GINS4: variants seen among roughly 807,000 people sequenced by gnomAD.
GINS4 encodes DNA replication complex GINS protein SLD5.
A neutral mutation model predicts 31.1 loss-of-function variants in GINS4; 20 were observed. The ratio of observed to expected loss-of-function variants is 0.64; its 90% CI spans 0.45 to 0.93. The LOEUF (loss-of-function observed/expected upper bound fraction) is 0.93. Ranked by LOEUF, GINS4 falls within the 40% of genes least tolerant of loss-of-function variation. The probability of loss-of-function intolerance (pLI) is 0.00; values close to 1 mark genes in which losing one functional copy is unlikely to be tolerated. For synonymous variants in GINS4, 85 were observed against 97.9 expected, an observed-to-expected ratio of 0.87 and a Z score of 0.78; for missense variants, 245 against 273.9, an observed-to-expected ratio of 0.89 and a Z score of 0.75.
Position 41,541,799 on chromosome 8 carries a change from T to C in GINS4, c.485-10T>C, listed in dbSNP as rs1806845540. The C allele has an allele frequency of 1.2e-6, 2 of 1,610,758 alleles. No individual in the cohort carries two copies. Among genetic ancestry groups the C allele is most frequent in the African/African-American group, 2.7e-5 (2 of 74,894 alleles). On this transcript the variant is annotated splice_polypyrimidine_tract_variant and intron_variant, in intron 6 of 7. Transcript: ENST00000276533. ...AGGATTTCCTAATCACATTGTTGTTTTCCTGGCAGTTCCCAAACCAGATCT... is the reference window on the plus strand; with the variant it reads ...AGGATTTCCTAATCACATTGTTGTTCTCCTGGCAGTTCCCAAACCAGATCT...
Position 41,542,803 on chromosome 8 carries a change from G to A in GINS4, c.*716G>A, listed in dbSNP as rs1339634364. ...CAGTGCTGTGGGTCACGGGCGTGAA[G>A]CGGAGCTCGAGGCAGGATTGCTTGT... On this transcript the variant is annotated 3_prime_UTR_variant, in exon 8 of 8. Coordinates refer to ENST00000276533, the MANE Select transcript of GINS4 (RefSeq NM_032336.3). The A allele has an allele frequency of 6.6e-6, 1 of 152,526 alleles. No individual in the cohort carries two copies. The highest frequency in any genetic ancestry group is 6.5e-5 in the Admixed American group (1 of 15,318). The allele number at this position is 152,526 out of a possible 1,614,324, so 9.4% of individuals were successfully genotyped here. A position where few individuals can be genotyped will look rare whatever the true frequency, so the allele number is the denominator to read the frequency against.
chr8:41,531,240 C>T (rs1368617478), intron 2 of GINS4, among the ~76,000 whole-genome samples: 2 of 152,226 alleles, frequency 1.3e-5, no homozygotes, highest in Non-Finnish European at 2.9e-5. Flanking sequence ...CCCACCATTG[C>T]ACTCCAGCCT....
intron 2 of GINS4, among the ~76,000 whole-genome samples, chr8:41,532,816 G>A (rs901811459): frequency 7.3e-6 from 1 of 136,760 alleles, no homozygotes; most frequent in Non-Finnish European, 1.5e-5. Context: ...CTGGGCAACA[G>A]AGCAAGACTC....
intron 1 of GINS4, 195 bp downstream of exon 1, chr8:41,529,591 A>G (rs576896143): frequency 2.0e-5 from 3 of 152,428 alleles, no homozygotes; most frequent in East Asian, 1.9e-4. Context: ...GGAAATTAGC[A>G]TTGATTAATC....
chr8:41,537,551 T>TG (rs1168494663), intron 4 of GINS4: 18 of 386,864 alleles, frequency 4.7e-5, no homozygotes, highest in African/African-American at 2.8e-4. Flanking sequence ...GGTTCCCCCT[T>TG]GCGTTACAGC....
chr8:41,530,764 C>A (rs1456767723), intron 2 of GINS4, among the ~76,000 whole-genome samples: 3 of 149,328 alleles, frequency 2.0e-5, no homozygotes, highest in South Asian at 4.2e-4. Flanking sequence ...TATCTAAAAT[C>A]CTTTCTGAAA....
At chr8:41,531,126 G>A (rs1171564945) in intron 2 of GINS4, among the ~76,000 whole-genome samples, 1 of 152,166 alleles carries the variant, frequency 6.6e-6, no homozygotes, top group Non-Finnish European at 1.5e-5. Flanking sequence ...ACAAAAATTA[G>A]CCGGATGTGG....
chr8:41,539,071 G>C (rs1189167720), intron 4 of GINS4, among the ~76,000 whole-genome samples: 2 of 150,844 alleles, frequency 1.3e-5, no homozygotes, highest in Non-Finnish European at 3.0e-5. Context: ...TATAATCCCA[G>C]CACTTTGGGA....
rs1806811627 is a variant in GINS4 at position 41,540,085 on chromosome 8, C to T, written c.484+81C>T. ...AGGATCCTCTCTTCACTGTTTTTAC[C>T]CAAATACAAAAAAGTAAGTATGTAG... is the stretch of plus-strand genomic sequence containing the variant. On this transcript the variant is annotated intron_variant, in intron 6 of 7. Transcript: ENST00000276533. 8 of 1,010,332 alleles carry T rather than the reference C, an allele frequency of 7.9e-6. No homozygotes were observed. The Admixed American group carries it at 9.9e-5, about 12-fold the overall frequency. The allele number at this position is 1,010,332 out of a possible 1,614,324, so 62.6% of individuals were successfully genotyped here. A position where few individuals can be genotyped will look rare whatever the true frequency, so the allele number is the denominator to read the frequency against.
intron 6 of GINS4, 21 bp downstream of exon 6, chr8:41,540,025 G>A: frequency 6.4e-7 from 1 of 1,571,880 alleles, no homozygotes; most frequent in Non-Finnish European, 8.8e-7. Flanking sequence ...CGTTCTCCCT[G>A]CAGGTGGCCC....
rs1011131831 is a variant in GINS4, at chr8:41,534,058, G to A, written c.97-2302G>A. The A allele has an allele frequency of 1.9e-5, 3 of 160,714 alleles. No homozygotes were observed. The Admixed American group carries it at 1.9e-4, about 10-fold the overall frequency. The allele number at this position is 160,714 out of a possible 1,614,324, so 10.0% of individuals were successfully genotyped here. A position where few individuals can be genotyped will look rare whatever the true frequency, so the allele number is the denominator to read the frequency against. ...TCCTGGAAGTTAGGTAGATTTTTGA[G>A]GGGCGGACACACTTCAGCCCGTAGC... On this transcript the variant is annotated intron_variant, in intron 2 of 7. Coordinates refer to ENST00000276533, the MANE Select transcript of GINS4 (RefSeq NM_032336.3).
chr8:41,541,694 TGGGCTG>T, intron 6 of GINS4, 109 bp from the exon 7 acceptor site: 1 of 731,644 alleles, frequency 1.4e-6, no homozygotes, highest in South Asian at 1.8e-5. Flanking sequence ...AGAGTAGGAA[TGGGCTG>T]GGCTCCTATC....
At chr8:41,534,242 A>T (rs13281038) in intron 2 of GINS4, 63,451 of 419,646 alleles carry the variant, frequency 0.15, 6,137 homozygotes, top group African/African-American at 0.35. Context: ...CATCTTTATT[A>T]AAAAAAATTT....
At chr8:41,541,047 C>G (rs768937232) in intron 6 of GINS4, among the ~76,000 whole-genome samples, 8 of 151,832 alleles carry the variant, frequency 5.3e-5, no homozygotes, top group Non-Finnish European at 7.4e-5. Flanking sequence ...TCCCTCCCCC[C>G]CACCTTTTGA....
intron 4 of GINS4, chr8:41,538,022 A>G (rs1300687823): frequency 6.9e-6 from 1 of 145,520 alleles, no homozygotes; most frequent in Non-Finnish European, 1.5e-5. Context: ...CTCCGCCTCA[A>G]AAAAAAAAAA....
chr8:41,530,012 G>A, intron 1 of GINS4, 172 bp from the exon 2 acceptor site: 1 of 554,762 alleles, frequency 1.8e-6, no homozygotes, highest in Non-Finnish European at 3.2e-6. Flanking sequence ...AAGCCTTGGA[G>A]GAAGAGGCAG....
At chr8:41,536,056 A>G (rs1199010165) in intron 2 of GINS4, among the ~76,000 whole-genome samples, 1 of 152,154 alleles carries the variant, frequency 6.6e-6, no homozygotes, top group Non-Finnish European at 1.5e-5. Context: ...TGGCAAAGGC[A>G]CTATTTGAAC....
chr8:41,538,334 G>A (rs1806776485), intron 4 of GINS4, among the ~76,000 whole-genome samples: 1 of 152,180 alleles, frequency 6.6e-6, no homozygotes, highest in African/African-American at 2.4e-5. Flanking sequence ...GTTGTAGTTT[G>A]ACCAAGTTTG....
chr8:41,533,108 T>C (rs1806677106), intron 2 of GINS4, among the ~76,000 whole-genome samples: 1 of 152,110 alleles, frequency 6.6e-6, no homozygotes, highest in African/African-American at 2.4e-5. Flanking sequence ...TGAGAAAATA[T>C]ACCATACACA....
Sources: allele counts gnomAD v4.1 joint callset (sites outside exome capture counted in the v4.1 genomes callset), GRCh38; gene constraint gnomAD v4.1.1; transcripts MANE v1.5; gene names NCBI Gene and HGNC (gene_info 2026-07-23, HGNC 2026-07-21).